The following CSMD3 variants were observed in gnomAD, a reference collection of about 807,000 sequenced individuals.
The protein encoded by CSMD3 is CUB and sushi domain-containing protein 3.
CSMD3 carries 177 observed loss-of-function variants against 435.2 expected under a neutral mutation model. The ratio of observed to expected loss-of-function variants is 0.41; its 90% CI spans 0.36 to 0.46. The LOEUF is 0.46. Ranked by LOEUF, CSMD3 falls within the 20% of genes least tolerant of loss-of-function variation. CSMD3 has a pLI of 0.34. For synonymous variants in CSMD3, 1,656 were observed against 1,520.5 expected, an observed-to-expected ratio of 1.09 and a Z score of -2.07; for missense variants, 4,265 against 4,504.6, an observed-to-expected ratio of 0.95 and a Z score of 1.52.
intron 50 of CSMD3, 169 bp downstream of exon 50, chr8:112,310,809 C>A: frequency 1.4e-6 from 1 of 710,578 alleles, no homozygotes; most frequent in African/African-American, 1.7e-5. Flanking sequence ...ATGTTTCTTT[C>A]CCCTGGAATT....
rs543143788 is a variant in CSMD3 at position 112,607,602 on chromosome 8, C to T, written c.3716-20367G>A. Among the ~76,000 whole-genome samples the T allele has an allele frequency of 9.1e-4, 139 of 152,080 alleles. 1 individual carries two copies. The highest frequency in any genetic ancestry group is 3.1e-3 in the African/African-American group (129 of 41,498). On this transcript the variant is annotated intron_variant, in intron 22 of 70. Coordinates refer to ENST00000297405, the MANE Select transcript of CSMD3 (RefSeq NM_198123.2). ...TAAAAAAATTTTAACAAACCAAATT[C>T]AACAGTGCCATGATCAAGTTAGATT... is the stretch of plus-strand genomic sequence containing the variant.
intron 5 of CSMD3, among the ~76,000 whole-genome samples, chr8:113,075,677 C>A (rs2089306233): frequency 6.6e-6 from 1 of 151,576 alleles, no homozygotes; most frequent in East Asian, 1.9e-4. Flanking sequence ...ATGAAATATG[C>A]CTATATTATT....
chr8:112,273,454 G>T (rs564086836), intron 59 of CSMD3, among the ~76,000 whole-genome samples: 2 of 151,970 alleles, frequency 1.3e-5, no homozygotes, highest in African/African-American at 2.4e-5. Flanking sequence ...TGAGTTGGAC[G>T]GTGGCTCACA....
chr8:113,278,477 G>T, intron 3 of CSMD3, 115 bp downstream of exon 3: 3 of 676,922 alleles, frequency 4.4e-6, no homozygotes, highest in African/African-American at 1.8e-5. Flanking sequence ...TAAATTTCAG[G>T]ACAAGATTTG....
At chr8:112,331,774 G>A (rs1019361246) in intron 45 of CSMD3, among the ~76,000 whole-genome samples, 1 of 151,976 alleles carries the variant, frequency 6.6e-6, no homozygotes, top group African/African-American at 2.4e-5. Context: ...AAAACTGGGT[G>A]GGGTAGTAAA....
At chr8:112,289,264 T>G in intron 57 of CSMD3, 101 bp downstream of exon 57, 1 of 995,430 alleles carries the variant, frequency 1.0e-6, no homozygotes, top group Non-Finnish European at 1.6e-6. Flanking sequence ...CAGAGAGAAA[T>G]ATATTTTAAG....
At chr8:113,207,737 T>G (rs1232209077) in intron 3 of CSMD3, among the ~76,000 whole-genome samples, 2 of 152,148 alleles carry the variant, frequency 1.3e-5, no homozygotes, top group Non-Finnish European at 2.9e-5. Flanking sequence ...TCTGGTGTTT[T>G]GAAGTAAAAA....
intron 3 of CSMD3, among the ~76,000 whole-genome samples, chr8:113,205,342 C>T (rs772428312): frequency 6.6e-6 from 1 of 152,084 alleles, no homozygotes. Flanking sequence ...GAGAACAACA[C>T]AAGAAAAGCT....
intron 38 of CSMD3, among the ~76,000 whole-genome samples, chr8:112,357,931 A>AC (rs1185566827): frequency 6.6e-6 from 1 of 152,124 alleles, no homozygotes; most frequent in Non-Finnish European, 1.5e-5. Flanking sequence ...AAAGAAGGCC[A>AC]CCATCCTCCA....
intron 61 of CSMD3, among the ~76,000 whole-genome samples, chr8:112,259,232 T>C (rs7839157): frequency 0.66 from 100,850 of 151,830 alleles, 35,304 homozygotes; most frequent in African/African-American, 0.89. Context: ...AAATGTGGCA[T>C]ATATACACCA....
chr8:112,266,149 C>T (rs1816924881), intron 59 of CSMD3, among the ~76,000 whole-genome samples: 1 of 152,068 alleles, frequency 6.6e-6, no homozygotes. Context: ...ATGTTTCCAG[C>T]CCAAAATAGG....
intron 1 of CSMD3, among the ~76,000 whole-genome samples, chr8:113,334,856 T>A (rs896024101): frequency 1.3e-5 from 2 of 152,128 alleles, no homozygotes; most frequent in Non-Finnish European, 2.9e-5. Context: ...TATAGAATTA[T>A]TAATAGTGTG....
At chr8:113,051,889 A>G (rs2088109891) in intron 5 of CSMD3, among the ~76,000 whole-genome samples, 1 of 152,244 alleles carries the variant, frequency 6.6e-6, no homozygotes, top group East Asian at 1.9e-4. Context: ...TGATATGTCA[A>G]TAACAAACTA....
chr8:113,398,699 T>C, intron 1 of CSMD3, among the ~76,000 whole-genome samples: 1 of 152,268 alleles, frequency 6.6e-6, no homozygotes, highest in East Asian at 1.9e-4. Flanking sequence ...CATTGTTCAA[T>C]ACAGTAATTT....
chr8:112,430,434 C>T (rs966079479), intron 32 of CSMD3, among the ~76,000 whole-genome samples: 4 of 151,970 alleles, frequency 2.6e-5, no homozygotes, highest in African/African-American at 7.2e-5. Flanking sequence ...CAGATACTGA[C>T]GGCAGGCCTG....
intron 13 of CSMD3, among the ~76,000 whole-genome samples, chr8:112,739,329 C>T (rs1485906118): frequency 2.0e-5 from 3 of 151,674 alleles, no homozygotes; most frequent in East Asian, 1.9e-4. Context: ...ATGCATTTGA[C>T]TTCAAATCTG....
chr8:113,405,914 G>C (rs567760502), intron 1 of CSMD3, among the ~76,000 whole-genome samples: 3 of 151,888 alleles, frequency 2.0e-5, no homozygotes, highest in East Asian at 3.9e-4. Context: ...GCAGTAATGA[G>C]AGGATTATTT....
chr8:112,860,326 T>C (rs1442208855), intron 10 of CSMD3, among the ~76,000 whole-genome samples: 2 of 151,876 alleles, frequency 1.3e-5, no homozygotes, highest in African/African-American at 2.4e-5. Context: ...GTTGATTTAA[T>C]AGTTACAGTA....
In CSMD3 at chr8:112,589,156, T is replaced by C. The variant is rs547898287; in HGVS notation, c.3716-1921A>G. Among the ~76,000 whole-genome samples, 5 of 152,274 alleles carry C rather than the reference T, an allele frequency of 3.3e-5. No individual in the cohort carries two copies. The East Asian group carries it at 7.7e-4, about 24-fold the overall frequency. ...CTTGCACTTTCTGGTTAAAATACACTGATGATCAGCAAGTCAAAATCCAGA... is the reference window on the plus strand; with the variant it reads ...CTTGCACTTTCTGGTTAAAATACACCGATGATCAGCAAGTCAAAATCCAGA... On this transcript the variant is annotated intron_variant, in intron 22 of 70. Transcript: ENST00000297405.
Sources: allele counts gnomAD v4.1 joint callset (sites outside exome capture counted in the v4.1 genomes callset), GRCh38; gene constraint gnomAD v4.1.1; transcripts MANE v1.5; gene names NCBI Gene and HGNC (gene_info 2026-07-23, HGNC 2026-07-21).